DEPTOR: variants seen among roughly 807,000 people sequenced by gnomAD.
DEPTOR encodes DEP domain containing MTOR interacting protein, also known as DEP domain-containing mTOR-interacting protein.
In DEPTOR, 41 loss-of-function variants were observed where a neutral mutation model predicts 41.6. That is an observed-to-expected ratio of 0.98 (90% CI 0.77 to 1.28). DEPTOR has a LOEUF of 1.28. Among genes scored for constraint, DEPTOR ranks in the 50% most tolerant of loss-of-function variants. The pLI, the probability that DEPTOR is intolerant of heterozygous loss-of-function variation, is 0.00. For missense variants in DEPTOR, 514 were observed against 527.9 expected (o/e 0.97, Z 0.26); for synonymous variants, 195 against 192.3 (o/e 1.01, Z -0.12).
At chr8:120,004,013 G>A (rs138092016) in intron 6 of DEPTOR, among the ~76,000 whole-genome samples, 302 of 152,286 alleles carry the variant, frequency 2.0e-3, no homozygotes, top group Non-Finnish European at 3.2e-3. Flanking sequence ...TGTCACCTTC[G>A]AGGAAGAGGC....
At chr8:119,917,076 A>G (rs749405525) in intron 1 of DEPTOR, among the ~76,000 whole-genome samples, 6 of 152,194 alleles carry the variant, frequency 3.9e-5, no homozygotes, top group African/African-American at 7.2e-5. Flanking sequence ...GGCCTCATTT[A>G]TCTTTTAAAG....
At chr8:119,879,737 C>T (rs998478737) in intron 1 of DEPTOR, among the ~76,000 whole-genome samples, 2 of 143,292 alleles carry the variant, frequency 1.4e-5, no homozygotes, top group Middle Eastern at 4.6e-3. Context: ...AAGGGCCGGG[C>T]ACGGGGACTC....
intron 1 of DEPTOR, among the ~76,000 whole-genome samples, chr8:119,922,003 C>T (rs533196637): frequency 2.0e-5 from 3 of 151,748 alleles, no homozygotes; most frequent in African/African-American, 2.4e-5. Context: ...TTTGGGAGGC[C>T]GAGGTGGGTG....
At chr8:119,990,834 G>A (rs1812147462) in intron 4 of DEPTOR, among the ~76,000 whole-genome samples, 1 of 152,108 alleles carries the variant, frequency 6.6e-6, no homozygotes, top group Non-Finnish European at 1.5e-5. Flanking sequence ...TGTTGTTATT[G>A]CCTTTTGGAG....
intron 6 of DEPTOR, among the ~76,000 whole-genome samples, chr8:120,006,277 A>G (rs1214768025): frequency 3.9e-5 from 6 of 152,104 alleles, no homozygotes; most frequent in Non-Finnish European, 8.8e-5. Flanking sequence ...TAATCCCAGC[A>G]CTTTGGGAGG....
intron 3 of DEPTOR, among the ~76,000 whole-genome samples, chr8:119,933,904 G>A (rs1418495556): frequency 2.6e-5 from 4 of 151,986 alleles, no homozygotes; most frequent in Non-Finnish European, 4.4e-5. Flanking sequence ...TTATTTATAA[G>A]AGTCTCACTC....
intron 4 of DEPTOR, among the ~76,000 whole-genome samples, chr8:119,972,309 A>G (rs1219269147): frequency 6.6e-6 from 1 of 152,136 alleles, no homozygotes; most frequent in African/African-American, 2.4e-5. Context: ...AATCATTCTC[A>G]TTTTTGAGAT....
chr8:120,025,651 T>A (rs1033912058), intron 8 of DEPTOR, among the ~76,000 whole-genome samples: 12 of 152,192 alleles, frequency 7.9e-5, no homozygotes, highest in African/African-American at 2.7e-4. Flanking sequence ...CTTTTCTCTT[T>A]GCCCTCCGAT....
chr8:120,042,573 C>T (rs1166906396), intron 8 of DEPTOR, among the ~76,000 whole-genome samples: 4 of 152,174 alleles, frequency 2.6e-5, no homozygotes, highest in Non-Finnish European at 5.9e-5. Flanking sequence ...GGCTGTAGTG[C>T]AATGGCACTA....
At chr8:119,900,212 C>T (rs1328679692) in intron 1 of DEPTOR, among the ~76,000 whole-genome samples, 2 of 150,044 alleles carry the variant, frequency 1.3e-5, no homozygotes, top group Non-Finnish European at 3.0e-5. Flanking sequence ...CCCAGCTACC[C>T]GGGAGGCTGA....
chr8:119,877,145 A>G (rs928165948), intron 1 of DEPTOR, among the ~76,000 whole-genome samples: 55 of 152,158 alleles, frequency 3.6e-4, no homozygotes, highest in African/African-American at 1.3e-3. Context: ...TTCTGATGAC[A>G]CTTCTTCAGG....
chr8:119,974,580 T>C (rs1828674183), intron 4 of DEPTOR, among the ~76,000 whole-genome samples: 1 of 152,162 alleles, frequency 6.6e-6, no homozygotes, highest in African/African-American at 2.4e-5. Flanking sequence ...TAGACTAGCC[T>C]GGCTGACATG....
At chr8:119,936,716 G>C (rs2129878262) in intron 3 of DEPTOR, among the ~76,000 whole-genome samples, 1 of 152,274 alleles carries the variant, frequency 6.6e-6, no homozygotes, top group East Asian at 1.9e-4. Flanking sequence ...AGCATAGTGA[G>C]ACTGTTTCTA....
intron 4 of DEPTOR, among the ~76,000 whole-genome samples, chr8:119,965,869 A>G (rs1828552012): frequency 6.6e-6 from 1 of 152,216 alleles, no homozygotes; most frequent in South Asian, 2.1e-4. Flanking sequence ...GAGTTAAGCC[A>G]AAGAGCCTTC....
chr8:120,009,485 C>A (rs903916191), intron 8 of DEPTOR, among the ~76,000 whole-genome samples: 5 of 152,046 alleles, frequency 3.3e-5, no homozygotes, highest in African/African-American at 1.2e-4. Context: ...TGGTGGCACA[C>A]ACCTGTAATC....
At chr8:119,957,291 A>C (rs1586632159) in intron 3 of DEPTOR, among the ~76,000 whole-genome samples, 1 of 152,330 alleles carries the variant, frequency 6.6e-6, no homozygotes, top group East Asian at 1.9e-4. Flanking sequence ...CTACTGTGCT[A>C]GGAAAAAACT....
chr8:119,926,921 C>T (rs761873089), intron 1 of DEPTOR, among the ~76,000 whole-genome samples: 1 of 152,172 alleles, frequency 6.6e-6, no homozygotes, highest in Non-Finnish European at 1.5e-5. Context: ...ATAAGATAGC[C>T]TTTGAGTGAC....
At chr8:119,953,499 C>T (rs1203945935) in intron 3 of DEPTOR, among the ~76,000 whole-genome samples, 7 of 151,290 alleles carry the variant, frequency 4.6e-5, no homozygotes, top group Non-Finnish European at 1.0e-4. Flanking sequence ...ATGAGAATCA[C>T]TTAATCACTT....
At chr8:119,939,421 A>T (rs1181200033) in intron 3 of DEPTOR, among the ~76,000 whole-genome samples, 1 of 152,176 alleles carries the variant, frequency 6.6e-6, no homozygotes, top group African/African-American at 2.4e-5. Context: ...TGGTGGTAAA[A>T]TGCATGTGTG....
Sources: gnomAD v4.1 joint callset for allele counts (sites outside exome capture counted in the v4.1 genomes callset) on GRCh38, gnomAD v4.1.1 for gene constraint, MANE v1.5 for transcripts, NCBI Gene and HGNC (gene_info 2026-07-23, HGNC 2026-07-21) for gene names.